Variants in FLT3 observed in about 807,000 individuals in gnomAD.
FLT3 encodes fms related receptor tyrosine kinase 3, also known as receptor-type tyrosine-protein kinase FLT3.
In FLT3, 46 loss-of-function variants were observed where a neutral mutation model predicts 126.6. That is an observed-to-expected ratio of 0.36 (90% CI 0.29 to 0.46). The LOEUF (loss-of-function observed/expected upper bound fraction) is 0.46, where lower values mean the gene tolerates loss of function less well. Ranked by LOEUF, FLT3 falls within the 20% of genes least tolerant of loss-of-function variation. The pLI is 1.00. For missense variants in FLT3, 1,069 were observed against 1,190.3 expected (o/e 0.90, Z 1.50); for synonymous variants, 404 against 434.4 (o/e 0.93, Z 0.87).
At chr13:28,038,091 T>C (rs1315916438) in intron 9 of FLT3, among the ~76,000 whole-genome samples, 4 of 152,180 alleles carry the variant, frequency 2.6e-5, no homozygotes, top group African/African-American at 7.2e-5. Context: ...AACCCTTGAC[T>C]TACATAGCAA....
chr13:28,024,153 T>G, intron 18 of FLT3, among the ~76,000 whole-genome samples: 1 of 148,204 alleles, frequency 6.7e-6, no homozygotes, highest in Admixed American at 6.8e-5. Flanking sequence ...TTTTTTTGAG[T>G]TGAAGTCTCA....
At chr13:28,037,093 T>G (rs1873904979) in intron 10 of FLT3, 92 bp downstream of exon 10, 1 of 759,828 alleles carries the variant, frequency 1.3e-6, no homozygotes, top group South Asian at 1.6e-5. Flanking sequence ...GTAGTAGCCC[T>G]TCTAAGCCAT....
At chr13:28,067,072 G>T (rs9554233) in intron 2 of FLT3, among the ~76,000 whole-genome samples, 27,572 of 152,186 alleles carry the variant, frequency 0.18, 2,609 homozygotes, top group Middle Eastern at 0.24. Context: ...TTGCCAGGCT[G>T]GAGTGCAATG....
intron 2 of FLT3, among the ~76,000 whole-genome samples, chr13:28,065,191 T>C (rs941443501): frequency 7.9e-5 from 12 of 152,206 alleles, no homozygotes; most frequent in Non-Finnish European, 1.0e-4. Context: ...TAGCAAAACA[T>C]CTAAAGGGAT....
intron 1 of FLT3, among the ~76,000 whole-genome samples, chr13:28,098,314 CAAA>C (rs55675449): frequency 0.018 from 1,525 of 85,270 alleles, 31 homozygotes; most frequent in African/African-American, 0.055. Flanking sequence ...GACTCCGTCT[CAAA>C]AAAAAAAAAA....
At chr13:28,090,087 G>GTGAAGT (rs1437483528) in intron 1 of FLT3, among the ~76,000 whole-genome samples, 5 of 150,468 alleles carry the variant, frequency 3.3e-5, no homozygotes, top group African/African-American at 1.2e-4. Context: ...GTCACCCAGG[G>GTGAAGT]TGAAGTGTGG....
intron 23 of FLT3, among the ~76,000 whole-genome samples, chr13:28,006,306 T>TTATGTGTGTGTGTGTG (rs375433153): frequency 4.4e-4 from 65 of 147,096 alleles, no homozygotes; most frequent in African/African-American, 1.6e-3. Context: ...TTCTAGAAAA[T>TTATGTGTGTGTGTGTG]TGTGTGTGTG....
intron 1 of FLT3, among the ~76,000 whole-genome samples, chr13:28,079,417 A>C (rs1026896835): frequency 6.6e-6 from 1 of 152,124 alleles, no homozygotes; most frequent in Non-Finnish European, 1.5e-5. Flanking sequence ...TGAGCCCTCC[A>C]AACTGTTCCA....
At chr13:28,031,025 G>A (rs948814731) in intron 15 of FLT3, among the ~76,000 whole-genome samples, 5 of 152,178 alleles carry the variant, frequency 3.3e-5, no homozygotes, top group Non-Finnish European at 7.4e-5. Flanking sequence ...AGGAGATCAA[G>A]ACCATCCTGG....
chr13:28,068,759 T>C (rs1877253140), intron 2 of FLT3, among the ~76,000 whole-genome samples: 2 of 152,062 alleles, frequency 1.3e-5, no homozygotes, highest in Admixed American at 1.3e-4. Flanking sequence ...GTATTTTTGA[T>C]AGACACGGGG....
intron 9 of FLT3, among the ~76,000 whole-genome samples, chr13:28,043,894 G>A (rs1184278151): frequency 1.3e-5 from 2 of 151,924 alleles, no homozygotes; most frequent in African/African-American, 2.4e-5. Flanking sequence ...GGCAGATCAC[G>A]AGGTCAGGAG....
Position 28,093,310 on chromosome 13 carries a change from T to G in FLT3, c.43+7158A>C, listed in dbSNP as rs1029756170. On this transcript the variant is annotated intron_variant, in intron 1 of 23. Transcript: ENST00000241453. ...CTCTTGGGCTCAAGCGAGCCTCCCA[T>G]GTAGCTGGGACTACAGGCATGGATC... 2.3e-4 allele frequency among the ~76,000 whole-genome samples: 35 copies of G among 150,836 alleles called. 1 individual carries two copies. Among genetic ancestry groups the G allele is most frequent in the Admixed American group, 2.3e-3 (34 of 15,078 alleles).
intron 20 of FLT3, among the ~76,000 whole-genome samples, chr13:28,016,233 T>C (rs1448571369): frequency 6.6e-6 from 1 of 152,022 alleles, no homozygotes; most frequent in Non-Finnish European, 1.5e-5. Flanking sequence ...AGACACAAGA[T>C]GGGTAGGTTA....
intron 1 of FLT3, among the ~76,000 whole-genome samples, chr13:28,077,105 G>A (rs201085404): frequency 7.6e-6 from 1 of 132,370 alleles, no homozygotes; most frequent in African/African-American, 2.6e-5. Flanking sequence ...GAAAAAGAAA[G>A]AGAGAGAGAA....
chr13:28,031,426 G>C (rs1163669146), intron 15 of FLT3, among the ~76,000 whole-genome samples: 1 of 152,188 alleles, frequency 6.6e-6, no homozygotes, highest in East Asian at 1.9e-4. Flanking sequence ...GAAAGAGTGG[G>C]CAAAGGTCGA....
intron 1 of FLT3, among the ~76,000 whole-genome samples, chr13:28,082,721 T>C (rs1878415988): frequency 6.7e-6 from 1 of 150,364 alleles, no homozygotes; most frequent in African/African-American, 2.4e-5. Context: ...TTTTGTTTTT[T>C]GAGACGGAGT....
intron 23 of FLT3, chr13:28,009,501 A>G (rs756022806): frequency 6.6e-6 from 1 of 152,196 alleles, no homozygotes; most frequent in Non-Finnish European, 1.5e-5. Flanking sequence ...CTGGTCCACA[A>G]AAAGATCTCT....
intron 1 of FLT3, among the ~76,000 whole-genome samples, chr13:28,096,258 G>A (rs951437049): frequency 1.3e-5 from 2 of 152,074 alleles, no homozygotes; most frequent in Non-Finnish European, 1.5e-5. Flanking sequence ...GGAGGTTGAG[G>A]TAGGAGGCTT....
chr13:28,026,991 G>A, intron 17 of FLT3, 97 bp downstream of exon 17: 2 of 1,019,054 alleles, frequency 2.0e-6, no homozygotes, highest in Admixed American at 2.2e-5. Context: ...CAGACTTCAC[G>A]GTGCCTTTAG....
Sources: allele counts gnomAD v4.1 joint callset (sites outside exome capture counted in the v4.1 genomes callset), GRCh38; gene constraint gnomAD v4.1.1; transcripts MANE v1.5; gene names NCBI Gene and HGNC (gene_info 2026-07-23, HGNC 2026-07-21).